B3GALT6: variants seen among roughly 807,000 people sequenced by gnomAD.
The protein encoded by B3GALT6 is beta-1,3-galactosyltransferase 6.
A neutral mutation model predicts 23.3 loss-of-function variants in B3GALT6; 27 were observed. The ratio of observed to expected loss-of-function variants is 1.16; its 90% CI spans 0.85 to 1.60. The LOEUF is 1.60. Ranked by LOEUF, B3GALT6 falls within the 40% of genes most tolerant of loss-of-function variation. B3GALT6 has a pLI of 0.00. For missense variants in B3GALT6, 554 were observed against 471.1 expected (o/e 1.18, Z -1.63); for synonymous variants, 313 against 232.3 (o/e 1.35, Z -3.16).
rs1557526998 is a variant in B3GALT6 at position 1,233,159 on chromosome 1, CGCGCGAGGGCCGCCTGTGCAA to C, written c.890_910del (p.Gly297_Glu303del). The C allele has an allele frequency of 3.2e-6, 5 of 1,548,700 alleles. No individual in the cohort carries two copies. The highest frequency in any genetic ancestry group is 4.8e-5 in the East Asian group (2 of 41,504). ...ATGCTGGAGAAGCACGCGACGCTGGCGCGCGAGGGCCGCCTGTGCAAGCGCGAGGTGCAGCTGCGCCTGTCC... is the reference window on the plus strand; with the variant it reads ...ATGCTGGAGAAGCACGCGACGCTGGCGCGCGAGGTGCAGCTGCGCCTGTCC... On this transcript the variant is annotated inframe_deletion, in exon 1 of 1. Transcript: ENST00000379198.
Position 1,234,451 on chromosome 1 carries a change from G to A in B3GALT6, c.*1183G>A, listed in dbSNP as rs1277564738. On this transcript the variant is annotated 3_prime_UTR_variant, in exon 1 of 1. Coordinates refer to ENST00000379198, the MANE Select transcript of B3GALT6 (RefSeq NM_080605.4). ...GGTGATCTGTGGTCAGTGGGTCAGT[G>A]ACCTGCACGGTGATTCTCCCACCTC... The A allele has an allele frequency of 6.0e-6, 1 of 166,938 alleles. No individual in the cohort carries two copies. Among genetic ancestry groups the A allele is most frequent in the Non-Finnish European group, 1.5e-5 (1 of 68,158 alleles). 10.3% of individuals were successfully genotyped at this position (166,938 alleles called of 1,614,324 possible). A position where few individuals can be genotyped will look rare whatever the true frequency, so the allele number is the denominator to read the frequency against.
chr1:1,232,806 G>GCGCCGC lies in B3GALT6; in HGVS notation c.536_541dup (p.Arg179_Arg180dup). 1 of 1,340,604 alleles carries GCGCCGC rather than the reference G, an allele frequency of 7.5e-7. No homozygotes were observed. Among genetic ancestry groups the GCGCCGC allele is most frequent in the Admixed American group, 4.0e-5 (1 of 24,768 alleles). The allele number at this position is 1,340,604 out of a possible 1,614,324, so 83.0% of individuals were successfully genotyped here. ...CCGAGCTGCGCGCCCGCGAGCCCGC[G>GCGCCGC]CGCCGCCGCCGCCTCTACTGGGGCT... On this transcript the variant is annotated inframe_insertion, in exon 1 of 1. Transcript: ENST00000379198.
Position 1,234,921 on chromosome 1 carries a change from A to T in B3GALT6, c.*1653A>T, listed in dbSNP as rs1018954473. On this transcript the variant is annotated 3_prime_UTR_variant, in exon 1 of 1. Coordinates refer to ENST00000379198, the MANE Select transcript of B3GALT6 (RefSeq NM_080605.4). ...GAATTGGCCGCTGTGGAAAAGAGCA[A>T]ATGTCCGAGACCCCCAACAGGAAGA... is the stretch of plus-strand genomic sequence containing the variant. 2 of 166,854 alleles carry T rather than the reference A, an allele frequency of 1.2e-5. No homozygotes were observed. The highest frequency in any genetic ancestry group is 4.8e-5 in the African/African-American group (2 of 41,436). The allele number at this position is 166,854 out of a possible 1,614,324, so 10.3% of individuals were successfully genotyped here.
chr1:1,233,563 T>G lies in B3GALT6; in HGVS notation c.*295T>G, dbSNP rs1227127659. The G allele has an allele frequency of 2.9e-6, 1 of 347,242 alleles. No homozygotes were observed. Among genetic ancestry groups the G allele is most frequent in the East Asian group, 4.8e-5 (1 of 20,970 alleles). 21.5% of individuals were successfully genotyped at this position (347,242 alleles called of 1,614,324 possible). On this transcript the variant is annotated 3_prime_UTR_variant, in exon 1 of 1. Transcript: ENST00000379198. ...GGGCTGGGCTCCGATCTTCCGTGTCTCTTATCAGTGGCGTTTCTCACGTCT... is the reference window on the plus strand; with the variant it reads ...GGGCTGGGCTCCGATCTTCCGTGTCGCTTATCAGTGGCGTTTCTCACGTCT...
chr1:1,232,426 C>G lies in B3GALT6; in HGVS notation c.148C>G (p.Pro50Ala), dbSNP rs1249919137. Residue 50 changes from proline (P) to alanine (A), a missense_variant, in exon 1 of 1, where the codon CCC (proline) becomes GCC (alanine). By Grantham distance (27) the Pro-to-Ala change is conservative. Coordinates refer to ENST00000379198, the MANE Select transcript of B3GALT6 (RefSeq NM_080605.4). ...RAMSGRSPPP[P>A]APARAAAFLA... Reference sequence around the variant, plus strand: ...GATGTCGGGCCGCAGCCCGCCTCCCCCCGCGCCCGCGCGCGCCGCCGCCTT... The same window carrying G: ...GATGTCGGGCCGCAGCCCGCCTCCCGCCGCGCCCGCGCGCGCCGCCGCCTT... 7 of 992,128 alleles carry G rather than the reference C, an allele frequency of 7.1e-6. No individual in the cohort carries two copies. In the East Asian group the frequency reaches 3.3e-4, roughly 47 times the overall value. 61.5% of individuals were successfully genotyped at this position (992,128 alleles called of 1,614,324 possible).
chr1:1,232,952 T>C lies in B3GALT6; in HGVS notation c.674T>C (p.Val225Ala). 6.4e-7 allele frequency: 1 copy of C among 1,564,402 alleles called. No homozygotes were observed. Among genetic ancestry groups the C allele is most frequent in the South Asian group, 1.2e-5 (1 of 86,672 alleles). ...GGCTACGTGCTCTCGGCCGACCTGG[T>C]GCACTACCTGCGCCTCAGCCGCGAC... The part of the protein sequence containing the change: ...GGGYVLSADL[V>A]HYLRLSRDYL... The change falls in exon 1 of 1, where the codon GTG becomes GCG. Residue 225 changes from valine to alanine, a missense_variant. By Grantham distance (64) the Val-to-Ala change is moderately conservative (BLOSUM62 0). Coordinates refer to ENST00000379198, the MANE Select transcript of B3GALT6 (RefSeq NM_080605.4).
In B3GALT6 at chr1:1,232,897, G is replaced by A. The variant is rs397514723; in HGVS notation, c.619G>A (p.Asp207Asn). 1.9e-6 allele frequency: 3 copies of A among 1,562,182 alleles called. No individual in the cohort carries two copies. Among genetic ancestry groups the A allele is most frequent in the African/African-American group, 1.4e-5 (1 of 72,062 alleles). The change falls in exon 1 of 1, where the codon GAC becomes AAC. Residue 207 changes from aspartate to asparagine, a missense_variant. By Grantham distance (23) the Asp-to-Asn change is conservative. Coordinates refer to ENST00000379198, the MANE Select transcript of B3GALT6 (RefSeq NM_080605.4). ...RWREAAWQLCDYYLPYALGGG... is the reference protein window; with the variant it reads ...RWREAAWQLCNYYLPYALGGG... ...GCGCGAGGCCGCCTGGCAACTCTGC[G>A]ACTACTACCTGCCCTACGCGCTGGG...
At position 1,232,480 on chromosome 1, in the gene B3GALT6, CGCGCCGCCGA is replaced by C; in HGVS notation, c.210_219del (p.Glu71AlafsTer2). The C allele has an allele frequency of 1.9e-6, 2 of 1,025,910 alleles. No individual in the cohort carries two copies. The highest frequency in any genetic ancestry group is 2.3e-6 in the Non-Finnish European group (2 of 858,802). The allele number at this position is 1,025,910 out of a possible 1,614,324, so 63.6% of individuals were successfully genotyped here. ...GGCAGTGCTGGTGGCCAGCGCGCCC[CGCGCCGCCGA>C]GCGCCGCAGCGTGATCCGCAGCACG... is the stretch of plus-strand genomic sequence containing the variant. On this transcript the variant is annotated frameshift_variant, in exon 1 of 1. Coordinates refer to ENST00000379198, the MANE Select transcript of B3GALT6 (RefSeq NM_080605.4). LOFTEE classifies it high-confidence loss of function.
In B3GALT6 at chr1:1,234,364, G is replaced by C. The variant is rs1638609727; in HGVS notation, c.*1096G>C. ...TTGCCATGGGTTTGGGAGCAGGTTT[G>C]GGTTACTTGCGTTTGAAGGCAGCAG... On this transcript the variant is annotated 3_prime_UTR_variant, in exon 1 of 1. Coordinates refer to ENST00000379198, the MANE Select transcript of B3GALT6 (RefSeq NM_080605.4). 2 of 167,036 alleles carry C rather than the reference G, an allele frequency of 1.2e-5. No individual in the cohort carries two copies. Among genetic ancestry groups the C allele is most frequent in the Admixed American group, 6.5e-5 (1 of 15,284 alleles). 10.3% of individuals were successfully genotyped at this position (167,036 alleles called of 1,614,324 possible). A position where few individuals can be genotyped will look rare whatever the true frequency, so the allele number is the denominator to read the frequency against.
In B3GALT6 at chr1:1,232,538, CG is replaced by C. The variant is rs1638541058; in HGVS notation, c.263del (p.Gly88AlafsTer190). On this transcript the variant is annotated frameshift_variant, in exon 1 of 1. Transcript: ENST00000379198. LOFTEE classifies it high-confidence loss of function. ...ACGTGGCTTGCGCGGCGCGGGGCCC[CG>C]GGCGACGTGTGGGCGCGCTTTGCCG... ...RSTWLARRGA[P>X]GDVWARFAVG... is the part of the protein sequence containing the mutation. The C allele has an allele frequency of 8.7e-7, 1 of 1,155,850 alleles. No homozygotes were observed. Among genetic ancestry groups the C allele is most frequent in the African/African-American group, 1.6e-5 (1 of 61,048 alleles). The allele number at this position is 1,155,850 out of a possible 1,614,324, so 71.6% of individuals were successfully genotyped here. A position where few individuals can be genotyped will look rare whatever the true frequency, so the allele number is the denominator to read the frequency against.
chr1:1,233,431 G>C lies in B3GALT6; in HGVS notation c.*163G>C, dbSNP rs1638583345. ...GTTTGGGAGACCCCTGGGGGTTGCC[G>C]GGGCAGCGCGCCGTGTCCAGGTGGA... is the stretch of plus-strand genomic sequence containing the variant. On this transcript the variant is annotated 3_prime_UTR_variant, in exon 1 of 1. Transcript: ENST00000379198. 1 of 961,758 alleles carries C rather than the reference G, an allele frequency of 1.0e-6. No individual in the cohort carries two copies. Among genetic ancestry groups the C allele is most frequent in the Non-Finnish European group, 1.4e-6 (1 of 707,946 alleles). 59.6% of individuals were successfully genotyped at this position (961,758 alleles called of 1,614,324 possible). A position where few individuals can be genotyped will look rare whatever the true frequency, so the allele number is the denominator to read the frequency against.
Position 1,232,671 on chromosome 1 carries a change from C to G in B3GALT6, c.393C>G (p.Asn131Lys), listed in dbSNP as rs1255662040. Residue 131 changes from asparagine (N) to lysine (K), a missense_variant, in exon 1 of 1, where the codon AAC becomes AAG. Coordinates refer to ENST00000379198, the MANE Select transcript of B3GALT6 (RefSeq NM_080605.4). ...CCGCGCTGCGCGACGCCTACGAAAA[C>G]CTCACGGCCAAGGTGCTGGCCATGC... Reference protein sequence around the residue: ...LLPALRDAYENLTAKVLAMLA... With the variant: ...LLPALRDAYEKLTAKVLAMLA... The G allele has an allele frequency of 1.5e-6, 2 of 1,351,626 alleles. No homozygotes were observed. Among genetic ancestry groups the G allele is most frequent in the African/African-American group, 1.5e-5 (1 of 65,784 alleles). The allele number at this position is 1,351,626 out of a possible 1,614,324, so 83.7% of individuals were successfully genotyped here. A position where few individuals can be genotyped will look rare whatever the true frequency, so the allele number is the denominator to read the frequency against.
Position 1,234,928 on chromosome 1 carries a change from G to A in B3GALT6, c.*1660G>A, listed in dbSNP as rs151147873. ...CCGCTGTGGAAAAGAGCAAATGTCC[G>A]AGACCCCCAACAGGAAGAGTCTAAA... On this transcript the variant is annotated 3_prime_UTR_variant, in exon 1 of 1. Transcript: ENST00000379198. 4 of 166,954 alleles carry A rather than the reference G, an allele frequency of 2.4e-5. No homozygotes were observed. Among genetic ancestry groups the A allele is most frequent in the South Asian group, 4.1e-4 (2 of 4,828 alleles). The allele number at this position is 166,954 out of a possible 1,614,324, so 10.3% of individuals were successfully genotyped here.
chr1:1,232,797 C>T lies in B3GALT6; in HGVS notation c.519C>T (p.Arg173=), dbSNP rs781333823. The change falls in exon 1 of 1, where the codon CGC becomes CGT. Residue 173 remains arginine, a synonymous_variant. Transcript: ENST00000379198. ...CGCTGCTGGCCGAGCTGCGCGCCCGCGAGCCCGCGCGCCGCCGCCGCCTCT... is the reference window on the plus strand; with the variant it reads ...CGCTGCTGGCCGAGCTGCGCGCCCGTGAGCCCGCGCGCCGCCGCCGCCTCT... ...LDALLAELRA[R]EPARRRRLYW... is the part of the protein sequence containing the mutation. 8.9e-6 allele frequency: 12 copies of T among 1,346,824 alleles called. No homozygotes were observed. Among genetic ancestry groups the T allele is most frequent in the Non-Finnish European group, 1.1e-5 (12 of 1,055,364 alleles). 83.4% of individuals were successfully genotyped at this position (1,346,824 alleles called of 1,614,324 possible).
rs1469660908 is a variant in B3GALT6, at chr1:1,232,639, C to A, written c.361C>A (p.Leu121Met). ...REQARHGDLL[L>M]LPALRDAYEN... ...GCAGGCGCGGCACGGGGACCTGCTG[C>A]TGCTGCCCGCGCTGCGCGACGCCTA... Residue 121 changes from leucine to methionine, a missense_variant, in exon 1 of 1, where the codon CTG becomes ATG. Coordinates refer to ENST00000379198, the MANE Select transcript of B3GALT6 (RefSeq NM_080605.4). 8 of 1,280,932 alleles carry A rather than the reference C, an allele frequency of 6.2e-6. No homozygotes were observed. The highest frequency in any genetic ancestry group is 7.9e-6 in the Non-Finnish European group (8 of 1,011,036). 79.3% of individuals were successfully genotyped at this position (1,280,932 alleles called of 1,614,324 possible).
In B3GALT6 at chr1:1,232,900, T is replaced by A; in HGVS notation, c.622T>A (p.Tyr208Asn). The A allele has an allele frequency of 6.4e-7, 1 of 1,561,398 alleles. No homozygotes were observed. The highest frequency in any genetic ancestry group is 8.6e-7 in the Non-Finnish European group (1 of 1,165,598). The change falls in exon 1 of 1, where the codon TAC becomes AAC. Residue 208 changes from tyrosine to asparagine, a missense_variant. Tyr to Asn is a moderately radical substitution (Grantham distance 143, BLOSUM62 -2). Transcript: ENST00000379198. Reference protein sequence around the residue: ...WREAAWQLCDYYLPYALGGGY... With the variant: ...WREAAWQLCDNYLPYALGGGY... ...CGAGGCCGCCTGGCAACTCTGCGAC[T>A]ACTACCTGCCCTACGCGCTGGGCGG...
chr1:1,232,326 G>C lies in B3GALT6; in HGVS notation c.48G>C (p.Leu16=). The C allele has an allele frequency of 6.1e-6, 6 of 984,064 alleles. No individual in the cohort carries two copies. Among genetic ancestry groups the C allele is most frequent in the Non-Finnish European group, 7.2e-6 (6 of 830,462 alleles). 61.0% of individuals were successfully genotyped at this position (984,064 alleles called of 1,614,324 possible). ...GGCGGCGGCGGGCGGCGCTAGGCCT[G>C]GGCACGCTGGCGCTGTGCGGGGCGG... is the stretch of plus-strand genomic sequence containing the variant. ...RAWRRRAALG[L]GTLALCGAAL... is the part of the protein sequence containing the mutation. The change falls in exon 1 of 1, where the codon CTG becomes CTC. Residue 16 remains leucine (L), a synonymous_variant. Coordinates refer to ENST00000379198, the MANE Select transcript of B3GALT6 (RefSeq NM_080605.4).
chr1:1,232,479 C>G lies in B3GALT6; in HGVS notation c.201C>G (p.Pro67=). The G allele has an allele frequency of 9.8e-7, 1 of 1,024,280 alleles. No homozygotes were observed. Among genetic ancestry groups the G allele is most frequent in the Non-Finnish European group, 1.2e-6 (1 of 857,636 alleles). The allele number at this position is 1,024,280 out of a possible 1,614,324, so 63.4% of individuals were successfully genotyped here. ...AFLAVLVASA[P]RAAERRSVIR... Reference sequence around the variant, plus strand: ...TGGCAGTGCTGGTGGCCAGCGCGCCCCGCGCCGCCGAGCGCCGCAGCGTGA... The same window carrying G: ...TGGCAGTGCTGGTGGCCAGCGCGCCGCGCGCCGCCGAGCGCCGCAGCGTGA... Residue 67 remains proline (P), a synonymous_variant, in exon 1 of 1, where the codon CCC becomes CCG. Transcript: ENST00000379198.
In B3GALT6 at chr1:1,233,446, G is replaced by A. The variant is rs911647771; in HGVS notation, c.*178G>A. The A allele has an allele frequency of 2.4e-6, 2 of 842,952 alleles. No individual in the cohort carries two copies. The highest frequency in any genetic ancestry group is 3.3e-6 in the Non-Finnish European group (2 of 601,900). 52.2% of individuals were successfully genotyped at this position (842,952 alleles called of 1,614,324 possible). The stretch of plus-strand genomic sequence containing the variant: ...GGGGGTTGCCGGGGCAGCGCGCCGT[G>A]TCCAGGTGGAGGTGCCCGTTCCTGG... On this transcript the variant is annotated 3_prime_UTR_variant, in exon 1 of 1. Transcript: ENST00000379198.
Sources: allele counts gnomAD v4.1 joint callset, GRCh38; gene constraint gnomAD v4.1.1; transcripts MANE v1.5; gene names NCBI Gene and HGNC (gene_info 2026-07-23, HGNC 2026-07-21).